The following LTBP1 variants were observed in gnomAD, a reference collection of about 807,000 sequenced individuals.
The protein encoded by LTBP1 is latent-transforming growth factor beta-binding protein 1.
LTBP1 carries 129 observed loss-of-function variants against 207.6 expected under a neutral mutation model. That is an observed-to-expected ratio of 0.62 (90% CI 0.54 to 0.72). The LOEUF (loss-of-function observed/expected upper bound fraction) is 0.72, where lower values mean the gene tolerates loss of function less well. Ranked by LOEUF, LTBP1 falls within the 30% of genes least tolerant of loss-of-function variation. The pLI is 0.00. For missense variants in LTBP1, 2,281 were observed against 2,217.2 expected (o/e 1.03, Z -0.58); for synonymous variants, 963 against 833.7 (o/e 1.16, Z -2.67).
intron 3 of LTBP1, among the ~76,000 whole-genome samples, chr2:33,065,769 A>G (rs963704109): frequency 1.3e-5 from 2 of 152,202 alleles, no homozygotes; most frequent in Admixed American, 6.5e-5. Flanking sequence ...AGTTTTTATA[A>G]GATGGGTTTT....
At chr2:33,177,207 A>G (rs1164409118) in intron 5 of LTBP1, among the ~76,000 whole-genome samples, 4 of 152,092 alleles carry the variant, frequency 2.6e-5, no homozygotes. Flanking sequence ...CTCATGTTAT[A>G]TTTTCTTGTT....
At position 33,150,559 on chromosome 2, in the gene LTBP1, T is replaced by C. The variant is rs12105049; in HGVS notation, c.1201+15599T>C. Among the ~76,000 whole-genome samples, 1,415 of 152,020 alleles carry C rather than the reference T, an allele frequency of 9.3e-3. 22 individuals carry two copies. The highest frequency in any genetic ancestry group is 0.032 in the African/African-American group (1,346 of 41,478). On this transcript the variant is annotated intron_variant, in intron 5 of 33. Coordinates refer to ENST00000404816, the MANE Select transcript of LTBP1 (RefSeq NM_206943.4). Reference sequence around the variant, plus strand: ...AGAAACTATACCCATTAAGTAAAAATTCCCCATTCCTTTCTCCCCTAGCCT... The same window carrying C: ...AGAAACTATACCCATTAAGTAAAAACTCCCCATTCCTTTCTCCCCTAGCCT...
At chr2:33,111,415 G>A (rs913677282) in intron 4 of LTBP1, among the ~76,000 whole-genome samples, 14 of 152,202 alleles carry the variant, frequency 9.2e-5, no homozygotes, top group African/African-American at 3.4e-4. Flanking sequence ...ATCCAAAGGC[G>A]AGAGCTAGAC....
At chr2:33,081,669 C>T (rs867875921) in intron 3 of LTBP1, among the ~76,000 whole-genome samples, 1 of 152,148 alleles carries the variant, frequency 6.6e-6, no homozygotes, top group African/African-American at 2.4e-5. Context: ...CTCCCAAACT[C>T]ATGGTGCTGA....
intron 3 of LTBP1, among the ~76,000 whole-genome samples, chr2:33,057,293 T>C (rs2077049178): frequency 6.6e-6 from 1 of 152,170 alleles, no homozygotes; most frequent in South Asian, 2.1e-4. Context: ...CTCATTGGTG[T>C]ATTTACAATC....
intron 2 of LTBP1, among the ~76,000 whole-genome samples, chr2:32,998,615 T>G (rs1022011646): frequency 6.6e-6 from 1 of 151,614 alleles, no homozygotes; most frequent in African/African-American, 2.4e-5. Context: ...GCAAAATTTC[T>G]ATGTTGAAAC....
chr2:33,071,045 A>C (rs1378935639), intron 3 of LTBP1, among the ~76,000 whole-genome samples: 1 of 152,192 alleles, frequency 6.6e-6, no homozygotes, highest in Non-Finnish European at 1.5e-5. Flanking sequence ...ACAGCCACTC[A>C]TAGTGGGTTC....
At chr2:33,044,593 A>C (rs2076354673) in intron 3 of LTBP1, among the ~76,000 whole-genome samples, 2 of 152,188 alleles carry the variant, frequency 1.3e-5, no homozygotes, top group Non-Finnish European at 2.9e-5. Flanking sequence ...GTGTCTTTAT[A>C]GTAGAATGAT....
At position 33,262,704 on chromosome 2, in the gene LTBP1, T is replaced by TA. The variant is rs1225232308; in HGVS notation, c.2419-14dup. 1.4e-6 allele frequency: 2 copies of TA among 1,391,704 alleles called. No homozygotes were observed. Among genetic ancestry groups the TA allele is most frequent in the African/African-American group, 1.4e-5 (1 of 69,098 alleles). The allele number at this position is 1,391,704 out of a possible 1,614,324, so 86.2% of individuals were successfully genotyped here. A position where few individuals can be genotyped will look rare whatever the true frequency, so the allele number is the denominator to read the frequency against. On this transcript the variant is annotated splice_polypyrimidine_tract_variant and intron_variant, in intron 13 of 33. Coordinates refer to ENST00000404816, the MANE Select transcript of LTBP1 (RefSeq NM_206943.4). ...TTCTTTTTTTTTTCTTATTCTCTTT[T>TA]AAAATACAACCATCCAGGAAATACC...
At chr2:33,161,229 C>T (rs1040338891) in intron 5 of LTBP1, among the ~76,000 whole-genome samples, 4 of 149,666 alleles carry the variant, frequency 2.7e-5, no homozygotes, top group South Asian at 2.1e-4. Context: ...CTTTCCCTTA[C>T]GTAGAGGTTA....
chr2:33,384,755 C>T (rs2095251193), intron 31 of LTBP1, among the ~76,000 whole-genome samples: 1 of 152,188 alleles, frequency 6.6e-6, no homozygotes, highest in Admixed American at 6.5e-5. Flanking sequence ...GCTCTGTACT[C>T]TCAGCCAACC....
intron 24 of LTBP1, among the ~76,000 whole-genome samples, chr2:33,319,928 A>G (rs1177669061): frequency 1.3e-5 from 2 of 152,178 alleles, no homozygotes; most frequent in Non-Finnish European, 2.9e-5. Flanking sequence ...AAGCATCCTC[A>G]TTCATTCCTT....
rs566074412 is a variant in LTBP1, at chr2:33,081,953, C to G, written c.864-28629C>G. ...GATTGTTAAGTTTCCTGAGGCCTCC[C>G]CAGCCATGCGGAACTTGAGTCAATT... On this transcript the variant is annotated intron_variant, in intron 3 of 33. Coordinates refer to ENST00000404816, the MANE Select transcript of LTBP1 (RefSeq NM_206943.4). Among the ~76,000 whole-genome samples, 3 of 152,254 alleles carry G rather than the reference C, an allele frequency of 2.0e-5. No homozygotes were observed. In the East Asian group the frequency reaches 5.8e-4, roughly 29 times the overall value.
intron 7 of LTBP1, among the ~76,000 whole-genome samples, chr2:33,196,519 A>G (rs1324378548): frequency 6.6e-6 from 1 of 152,172 alleles, no homozygotes; most frequent in Non-Finnish European, 1.5e-5. Context: ...GGGCCAATCT[A>G]AGAAGTCAAG....
At chr2:33,023,247 A>G (rs1400222035) in intron 3 of LTBP1, among the ~76,000 whole-genome samples, 1 of 152,260 alleles carries the variant, frequency 6.6e-6, no homozygotes, top group Non-Finnish European at 1.5e-5. Flanking sequence ...TAAACTGTAA[A>G]GTAATTTACA....
At chr2:33,229,326 T>A (rs2149526614) in intron 9 of LTBP1, among the ~76,000 whole-genome samples, 1 of 151,720 alleles carries the variant, frequency 6.6e-6, no homozygotes, top group South Asian at 2.1e-4. Flanking sequence ...AAAATAAAAA[T>A]TTGCTGGGTG....
chr2:33,105,431 T>G (rs915988677), intron 3 of LTBP1, among the ~76,000 whole-genome samples: 6 of 150,924 alleles, frequency 4.0e-5, no homozygotes, highest in African/African-American at 1.5e-4. Context: ...AAATCATATG[T>G]GATCTTCTGC....
chr2:32,982,602 T>C (rs1558471316), intron 2 of LTBP1, among the ~76,000 whole-genome samples: 1 of 152,036 alleles, frequency 6.6e-6, no homozygotes. Flanking sequence ...GGAAAAATGG[T>C]TTCTTGGGCT....
intron 8 of LTBP1, among the ~76,000 whole-genome samples, chr2:33,220,968 G>T (rs1374474571): frequency 2.0e-5 from 3 of 152,206 alleles, no homozygotes; most frequent in Admixed American, 2.0e-4. Flanking sequence ...CAGATAAAGA[G>T]CATATGGGGA....
Sources: gnomAD v4.1 joint callset for allele counts (sites outside exome capture counted in the v4.1 genomes callset) on GRCh38, gnomAD v4.1.1 for gene constraint, MANE v1.5 for transcripts, NCBI Gene and HGNC (gene_info 2026-07-23, HGNC 2026-07-21) for gene names.